The following NELL2 variants were observed in gnomAD, a reference collection of about 807,000 sequenced individuals.
NELL2 encodes the protein protein kinase C-binding protein NELL2.
NELL2 carries 41 observed loss-of-function variants against 109.6 expected under a neutral mutation model. That is an observed-to-expected ratio of 0.37 (90% confidence interval 0.29 to 0.49). The LOEUF (loss-of-function observed/expected upper bound fraction) is 0.49. NELL2 is among the 20% of genes least tolerant of loss of function. The pLI, the probability that NELL2 is intolerant of heterozygous loss-of-function variation, is 0.98. For synonymous variants in NELL2, 355 were observed against 344.7 expected (o/e 1.03, Z -0.33); for missense variants, 900 against 1,008.3 (o/e 0.89, Z 1.45).
intron 12 of NELL2, among the ~76,000 whole-genome samples, chr12:44,672,076 T>C (rs770909377): frequency 3.3e-5 from 5 of 152,204 alleles, no homozygotes; most frequent in East Asian, 1.9e-4. Context: ...CTGGTACAGA[T>C]AGGAAAGCAG....
intron 2 of NELL2, among the ~76,000 whole-genome samples, chr12:44,824,960 TCGG>T (rs1943662853): frequency 6.6e-6 from 1 of 152,106 alleles, no homozygotes; most frequent in African/African-American, 2.4e-5. Context: ...TCCACCCATC[TCGG>T]CCTCCCAAAA....
At chr12:44,541,475 C>G (rs1239427159) in intron 15 of NELL2, among the ~76,000 whole-genome samples, 1 of 151,714 alleles carries the variant, frequency 6.6e-6, no homozygotes, top group Non-Finnish European at 1.5e-5. Flanking sequence ...CTTGGAGGAT[C>G]AAGTAGAAGT....
At chr12:44,609,284 A>G (rs1945521510) in intron 14 of NELL2, among the ~76,000 whole-genome samples, 1 of 151,874 alleles carries the variant, frequency 6.6e-6, no homozygotes, top group African/African-American at 2.4e-5. Context: ...GCATTGTGAT[A>G]CCTCAACAGT....
intron 3 of NELL2, among the ~76,000 whole-genome samples, chr12:44,787,838 T>C (rs1253573038): frequency 6.6e-6 from 1 of 151,958 alleles, no homozygotes; most frequent in Non-Finnish European, 1.5e-5. Flanking sequence ...AAATATAAAA[T>C]CTAAAATGTA....
chr12:44,673,707 T>C (rs995398025), intron 12 of NELL2, among the ~76,000 whole-genome samples: 2 of 152,230 alleles, frequency 1.3e-5, no homozygotes, highest in Non-Finnish European at 1.5e-5. Flanking sequence ...AAATGGATGA[T>C]GATCATTATC....
At chr12:44,838,505 G>A (rs1200416661) in intron 2 of NELL2, among the ~76,000 whole-genome samples, 3 of 152,020 alleles carry the variant, frequency 2.0e-5, no homozygotes, top group Admixed American at 1.3e-4. Context: ...ACTGGGCCCT[G>A]GTTACTTTGG....
At chr12:44,702,095 A>G (rs1406867843) in intron 12 of NELL2, among the ~76,000 whole-genome samples, 1 of 151,924 alleles carries the variant, frequency 6.6e-6, no homozygotes, top group Non-Finnish European at 1.5e-5. Context: ...CTCTCTTATC[A>G]TCAAGTCTCA....
At chr12:44,747,312 G>A (rs1306544772) in intron 9 of NELL2, among the ~76,000 whole-genome samples, 2 of 152,166 alleles carry the variant, frequency 1.3e-5, no homozygotes, top group East Asian at 1.9e-4. Flanking sequence ...GGTGGGGGAA[G>A]GGGGGAGGGA....
At chr12:44,715,462 C>T (rs1321371880) in intron 9 of NELL2, among the ~76,000 whole-genome samples, 3 of 151,696 alleles carry the variant, frequency 2.0e-5, no homozygotes, top group Admixed American at 1.3e-4. Flanking sequence ...ATTTAGCCAA[C>T]AGAAATCATT....
chr12:44,511,762 G>T (rs571863658), intron 19 of NELL2, among the ~76,000 whole-genome samples: 1 of 152,192 alleles, frequency 6.6e-6, no homozygotes, highest in Non-Finnish European at 1.5e-5. Context: ...AAGATATAAA[G>T]GATTGATAAA....
chr12:44,608,441 C>T (rs538300706), intron 14 of NELL2, among the ~76,000 whole-genome samples: 10 of 151,994 alleles, frequency 6.6e-5, no homozygotes, highest in African/African-American at 1.4e-4. Flanking sequence ...CTGTTGATAC[C>T]GCACAGAACT....
intron 15 of NELL2, among the ~76,000 whole-genome samples, chr12:44,535,986 A>G (rs1942278390): frequency 6.6e-6 from 1 of 151,992 alleles, no homozygotes; most frequent in Non-Finnish European, 1.5e-5. Flanking sequence ...AATAAGGAAA[A>G]AACTAGTCAG....
intron 15 of NELL2, among the ~76,000 whole-genome samples, chr12:44,602,126 A>G (rs1423203854): frequency 6.6e-6 from 1 of 152,076 alleles, no homozygotes; most frequent in African/African-American, 2.4e-5. Context: ...TTTATAACAG[A>G]AAAAGAATCA....
intron 3 of NELL2, among the ~76,000 whole-genome samples, chr12:44,809,794 C>T (rs778349204): frequency 2.0e-5 from 3 of 152,054 alleles, no homozygotes; most frequent in Non-Finnish European, 4.4e-5. Context: ...ATCTGCCCTT[C>T]CTACTTTCTT....
intron 11 of NELL2, among the ~76,000 whole-genome samples, chr12:44,707,110 C>T (rs1197342983): frequency 6.6e-6 from 1 of 152,148 alleles, no homozygotes; most frequent in Non-Finnish European, 1.5e-5. Flanking sequence ...AGAATAACCT[C>T]GTTATCACTC....
At chr12:44,647,768 G>C (rs562265903) in intron 13 of NELL2, among the ~76,000 whole-genome samples, 21 of 152,220 alleles carry the variant, frequency 1.4e-4, no homozygotes, top group African/African-American at 5.1e-4. Context: ...AAAGATGGCT[G>C]TTCTGGCCAA....
intron 1 of NELL2, among the ~76,000 whole-genome samples, chr12:44,897,968 C>A (rs536574178): frequency 6.6e-6 from 1 of 152,188 alleles, no homozygotes; most frequent in African/African-American, 2.4e-5. Context: ...TCAGTAGGTG[C>A]TTTTCCCCTC....
chr12:44,805,354 T>C (rs1194863774), intron 3 of NELL2, among the ~76,000 whole-genome samples: 1 of 151,892 alleles, frequency 6.6e-6, no homozygotes, highest in Non-Finnish European at 1.5e-5. Flanking sequence ...TATAAAACTA[T>C]ATTAATCAGG....
intron 12 of NELL2, among the ~76,000 whole-genome samples, chr12:44,666,048 G>GT (rs1947913949): frequency 6.6e-6 from 1 of 152,120 alleles, no homozygotes; most frequent in Non-Finnish European, 1.5e-5. Context: ...AACCAGAATT[G>GT]TAACAACTTC....
Sources: allele counts gnomAD v4.1 joint callset (sites outside exome capture counted in the v4.1 genomes callset), GRCh38; gene constraint gnomAD v4.1.1; transcripts MANE v1.5; gene names NCBI Gene and HGNC (gene_info 2026-07-23, HGNC 2026-07-21).